The following PLCB1 variants were observed in gnomAD, a reference collection of about 807,000 sequenced individuals.
PLCB1 encodes the protein phospholipase C beta 1.
In PLCB1, 46 loss-of-function variants were observed where a neutral mutation model predicts 161.8. That is an observed-to-expected ratio of 0.28 (90% confidence interval 0.22 to 0.36). The LOEUF (loss-of-function observed/expected upper bound fraction) is 0.36. Among genes scored for constraint, PLCB1 ranks in the 10% least tolerant of loss-of-function variants. PLCB1 has a pLI of 1.00. For missense variants in PLCB1, 1,016 were observed against 1,472.5 expected (o/e 0.69, Z 5.07); for synonymous variants, 517 against 503.7 (o/e 1.03, Z -0.35).
intron 11 of PLCB1, among the ~76,000 whole-genome samples, chr20:8,704,272 C>T (rs942533574): frequency 6.6e-6 from 1 of 151,156 alleles, no homozygotes; most frequent in Non-Finnish European, 1.5e-5. Context: ...AAGAATCGCC[C>T]AAACCAAGGA....
At chr20:8,778,811 T>A (rs898573245) in intron 27 of PLCB1, among the ~76,000 whole-genome samples, 47 of 152,182 alleles carry the variant, frequency 3.1e-4, no homozygotes, top group African/African-American at 1.1e-3. Context: ...CACACAATGT[T>A]TATTTTATGG....
chr20:8,795,735 TGTG>T (rs1283022619), intron 31 of PLCB1, among the ~76,000 whole-genome samples: 2 of 151,660 alleles, frequency 1.3e-5, no homozygotes, highest in East Asian at 1.9e-4. Flanking sequence ...ATTAGCCAGG[TGTG>T]GTGGTGGGCG....
chr20:8,360,311 C>T (rs1042426090), intron 2 of PLCB1, among the ~76,000 whole-genome samples: 3 of 152,068 alleles, frequency 2.0e-5, no homozygotes, highest in East Asian at 1.9e-4. Flanking sequence ...AGCTGATAGA[C>T]GCTGGGGGAT....
At chr20:8,543,043 T>C (rs1250788377) in intron 3 of PLCB1, among the ~76,000 whole-genome samples, 2 of 152,156 alleles carry the variant, frequency 1.3e-5, no homozygotes, top group Non-Finnish European at 2.9e-5. Flanking sequence ...TGATAAATGC[T>C]CTAGCACCTT....
intron 15 of PLCB1, among the ~76,000 whole-genome samples, chr20:8,723,958 T>G (rs1181738847): frequency 6.6e-6 from 1 of 151,806 alleles, no homozygotes; most frequent in Non-Finnish European, 1.5e-5. Context: ...TTCCCTTCAT[T>G]TGGTGGTCAC....
intron 5 of PLCB1, among the ~76,000 whole-genome samples, chr20:8,646,828 GA>G (rs1425660747): frequency 6.6e-6 from 1 of 152,244 alleles, no homozygotes; most frequent in Non-Finnish European, 1.5e-5. Flanking sequence ...GAGCAGCAAG[GA>G]AAGCTGGTTG....
At chr20:8,853,556 G>A (rs936353298) in intron 31 of PLCB1, among the ~76,000 whole-genome samples, 1 of 152,128 alleles carries the variant, frequency 6.6e-6, no homozygotes, top group Non-Finnish European at 1.5e-5. Context: ...TAAAGTATGT[G>A]AATACACCAC....
chr20:8,534,684 C>A (rs965045204), intron 3 of PLCB1, among the ~76,000 whole-genome samples: 6 of 152,128 alleles, frequency 3.9e-5, no homozygotes, highest in Non-Finnish European at 8.8e-5. Context: ...GAGCAAAAAG[C>A]CATTTTTCTT....
chr20:8,316,299 C>T (rs544607298), intron 2 of PLCB1, among the ~76,000 whole-genome samples: 1 of 152,164 alleles, frequency 6.6e-6, no homozygotes, highest in South Asian at 2.1e-4. Context: ...TTTTCCATCC[C>T]CTCCCCTCAA....
At chr20:8,359,993 A>G in intron 2 of PLCB1, among the ~76,000 whole-genome samples, 1 of 152,214 alleles carries the variant, frequency 6.6e-6, no homozygotes, top group Admixed American at 6.5e-5. Context: ...GTTGTATACA[A>G]GTGATTTATT....
chr20:8,459,248 T>G (rs929390336), intron 3 of PLCB1, among the ~76,000 whole-genome samples: 2 of 152,252 alleles, frequency 1.3e-5, no homozygotes, highest in Non-Finnish European at 2.9e-5. Flanking sequence ...ATTTGCATAG[T>G]AATTGTATTG....
intron 31 of PLCB1, among the ~76,000 whole-genome samples, chr20:8,842,806 A>G (rs558423239): frequency 3.9e-5 from 6 of 152,300 alleles, no homozygotes; most frequent in Non-Finnish European, 7.4e-5. Context: ...TCTGAAATCT[A>G]TAGATAACAC....
chr20:8,206,975 TACAAGGAGA>T (rs1555790193), intron 2 of PLCB1, among the ~76,000 whole-genome samples: 2 of 143,680 alleles, frequency 1.4e-5, no homozygotes, highest in Admixed American at 6.8e-5. Flanking sequence ...TAGGGAAAAA[TACAAGGAGA>T]ATAAAAATTG....
At chr20:8,541,036 A>C (rs1164851829) in intron 3 of PLCB1, among the ~76,000 whole-genome samples, 1 of 152,188 alleles carries the variant, frequency 6.6e-6, no homozygotes, top group African/African-American at 2.4e-5. Context: ...AGCCTCCGTT[A>C]ACGTTGAGAA....
intron 31 of PLCB1, among the ~76,000 whole-genome samples, chr20:8,871,380 CA>C: frequency 6.6e-6 from 1 of 152,180 alleles, no homozygotes; most frequent in Middle Eastern, 3.4e-3. Context: ...AGCTTCTGCC[CA>C]AAATAAGGAT....
intron 3 of PLCB1, among the ~76,000 whole-genome samples, chr20:8,530,691 A>G (rs1428927377): frequency 6.6e-6 from 1 of 152,094 alleles, no homozygotes; most frequent in Non-Finnish European, 1.5e-5. Context: ...GCACTTTTCA[A>G]CTATTATATG....
At chr20:8,189,110 G>T (rs888165489) in intron 2 of PLCB1, among the ~76,000 whole-genome samples, 1 of 151,648 alleles carries the variant, frequency 6.6e-6, no homozygotes, top group South Asian at 2.1e-4. Context: ...CTAGGATTCC[G>T]CATATAAGTG....
At chr20:8,696,360 A>G (rs1489801305) in intron 10 of PLCB1, among the ~76,000 whole-genome samples, 2 of 152,192 alleles carry the variant, frequency 1.3e-5, no homozygotes, top group Non-Finnish European at 2.9e-5. Context: ...ATTAATCTAT[A>G]TGTCTGTCTT....
intron 31 of PLCB1, among the ~76,000 whole-genome samples, chr20:8,829,486 T>G (rs2876144): frequency 0.29 from 43,941 of 152,138 alleles, 6,514 homozygotes; most frequent in Middle Eastern, 0.41. Flanking sequence ...TTTACACACA[T>G]GCTTTAGTTT....
Sources: gnomAD v4.1 joint callset for allele counts (sites outside exome capture counted in the v4.1 genomes callset) on GRCh38, gnomAD v4.1.1 for gene constraint, MANE v1.5 for transcripts, NCBI Gene and HGNC (gene_info 2026-07-23, HGNC 2026-07-21) for gene names.